Variants in NPR3 observed in about 807,000 individuals in gnomAD.
The protein encoded by NPR3 is atrial natriuretic peptide receptor 3.
A neutral mutation model predicts 54.5 loss-of-function variants in NPR3; 34 were observed. The observed-to-expected ratio is 0.62, with a 90% CI of 0.47 to 0.83. The LOEUF (loss-of-function observed/expected upper bound fraction) is 0.83. Among genes scored for constraint, NPR3 ranks in the 40% least tolerant of loss-of-function variants. NPR3 has a pLI of 0.00. For synonymous variants in NPR3, 289 were observed against 297.1 expected (o/e 0.97, Z 0.28); for missense variants, 674 against 720.8 (o/e 0.94, Z 0.74).
intron 3 of NPR3, among the ~76,000 whole-genome samples, chr5:32,758,112 C>T (rs1740947149): frequency 1.3e-5 from 2 of 152,072 alleles, no homozygotes; most frequent in African/African-American, 4.8e-5. Context: ...TGATGCTGGC[C>T]TCGTAAAATG....
At chr5:32,720,384 A>G (rs1475069300) in intron 1 of NPR3, among the ~76,000 whole-genome samples, 1 of 152,214 alleles carries the variant, frequency 6.6e-6, no homozygotes, top group Non-Finnish European at 1.5e-5. Flanking sequence ...GGAAATAAGT[A>G]TCCCCCCAAT....
intron 2 of NPR3, among the ~76,000 whole-genome samples, chr5:32,727,225 C>T (rs972693755): frequency 1.3e-5 from 2 of 152,126 alleles, no homozygotes; most frequent in Non-Finnish European, 2.9e-5. Context: ...ACCATGGGCT[C>T]AAGTGATCCT....
intron 4 of NPR3, among the ~76,000 whole-genome samples, chr5:32,780,333 A>G (rs1273882460): frequency 6.6e-6 from 1 of 152,212 alleles, no homozygotes; most frequent in Non-Finnish European, 1.5e-5. Flanking sequence ...TGTTCATCCA[A>G]TGATAACGCA....
chr5:32,765,442 G>GGAT (rs1741401283), intron 3 of NPR3, among the ~76,000 whole-genome samples: 1 of 152,164 alleles, frequency 6.6e-6, no homozygotes, highest in Non-Finnish European at 1.5e-5. Context: ...GTGAGAGAGG[G>GGAT]GATGATGGCA....
intron 2 of NPR3, among the ~76,000 whole-genome samples, chr5:32,737,286 A>G (rs560671378): frequency 4.1e-4 from 62 of 152,318 alleles, no homozygotes; most frequent in African/African-American, 1.4e-3. Flanking sequence ...TCAACTGTTT[A>G]CATGTCACAC....
intron 1 of NPR3, among the ~76,000 whole-genome samples, chr5:32,720,799 G>A (rs1330048928): frequency 6.6e-6 from 1 of 152,128 alleles, no homozygotes; most frequent in East Asian, 1.9e-4. Context: ...TCACCTGTTG[G>A]TAGGTGCTGG....
At chr5:32,734,285 T>C (rs546520052) in intron 2 of NPR3, among the ~76,000 whole-genome samples, 1 of 152,186 alleles carries the variant, frequency 6.6e-6, no homozygotes, top group African/African-American at 2.4e-5. Context: ...CCAGGCCAGG[T>C]GAATGCTTAG....
At chr5:32,725,746 T>C (rs928007746) in intron 2 of NPR3, among the ~76,000 whole-genome samples, 1 of 152,242 alleles carries the variant, frequency 6.6e-6, no homozygotes, top group African/African-American at 2.4e-5. Context: ...TATATGTGCA[T>C]GTTACACCTA....
intron 5 of NPR3, among the ~76,000 whole-genome samples, chr5:32,782,619 C>G (rs1457916396): frequency 6.6e-6 from 1 of 152,206 alleles, no homozygotes; most frequent in Non-Finnish European, 1.5e-5. Flanking sequence ...TTAATGCTCT[C>G]TTGAGAGCAC....
upstream of NPR3, among the ~76,000 whole-genome samples, chr5:32,706,279 A>G (rs973832005): frequency 1.3e-5 from 2 of 152,218 alleles, no homozygotes; most frequent in Non-Finnish European, 2.9e-5. Context: ...TACATCCTGC[A>G]GAACCATGAG....
At chr5:32,714,120 G>C (rs1738416073) in intron 1 of NPR3, among the ~76,000 whole-genome samples, 1 of 147,346 alleles carries the variant, frequency 6.8e-6, no homozygotes, top group Non-Finnish European at 1.5e-5. Context: ...TCCAGTTCTC[G>C]GCTTTCGAGG....
At chr5:32,701,015 A>T (rs1737772552) in intron 1 of NPR3, among the ~76,000 whole-genome samples, 1 of 152,212 alleles carries the variant, frequency 6.6e-6, no homozygotes, top group African/African-American at 2.4e-5. Flanking sequence ...TTCCACCAAC[A>T]GTGTAAAAAT....
At chr5:32,751,442 G>GTCC (rs1422415976) in intron 3 of NPR3, among the ~76,000 whole-genome samples, 1 of 152,164 alleles carries the variant, frequency 6.6e-6, no homozygotes, top group Non-Finnish European at 1.5e-5. Context: ...GGAAGGCAGG[G>GTCC]TCCTGACTGT....
intron 3 of NPR3, among the ~76,000 whole-genome samples, chr5:32,744,424 A>G (rs984650822): frequency 1.3e-5 from 2 of 152,162 alleles, no homozygotes; most frequent in Non-Finnish European, 1.5e-5. Context: ...TCTGAGACTT[A>G]GTTCGTTAGT....
intron 1 of NPR3, among the ~76,000 whole-genome samples, chr5:32,720,877 G>A (rs184176596): frequency 6.6e-6 from 1 of 152,092 alleles, no homozygotes; most frequent in Admixed American, 6.6e-5. Context: ...TCTAAGAGTT[G>A]TCCACAAATT....
At chr5:32,769,259 G>A (rs1473115100) in intron 3 of NPR3, among the ~76,000 whole-genome samples, 2 of 152,156 alleles carry the variant, frequency 1.3e-5, no homozygotes, top group Non-Finnish European at 2.9e-5. Flanking sequence ...TAAAGTCTAG[G>A]TACTGTATTA....
chr5:32,696,678 C>A (rs1464885020), intron 1 of NPR3, among the ~76,000 whole-genome samples: 5 of 152,066 alleles, frequency 3.3e-5, no homozygotes, highest in Non-Finnish European at 5.9e-5. Flanking sequence ...CAATTTCTTT[C>A]ATCAGCGTTT....
Position 32,702,170 on chromosome 5 carries a change from G to A in NPR3, c.100+12984G>A, listed in dbSNP as rs184257772. 3.9e-5 allele frequency among the ~76,000 whole-genome samples: 6 copies of A among 152,286 alleles called. No homozygotes were observed. In the East Asian group the frequency reaches 9.6e-4, roughly 24 times the overall value. On this transcript the variant is annotated intron_variant, in intron 1 of 5. Transcript: ENST00000509104. Reference sequence around the variant, plus strand: ...TCAGAGATGCCATCCAGGAGCCAGGGCCTAAAGTTGGAAACCTTAGGATCT... The same window carrying A: ...TCAGAGATGCCATCCAGGAGCCAGGACCTAAAGTTGGAAACCTTAGGATCT...
chr5:32,759,363 C>CT (rs935186796), intron 3 of NPR3, among the ~76,000 whole-genome samples: 6 of 151,886 alleles, frequency 4.0e-5, no homozygotes, highest in African/African-American at 1.2e-4. Flanking sequence ...ATGTAATGGC[C>CT]TTTTTTTTCT....
Sources: gnomAD v4.1 joint callset for allele counts (sites outside exome capture counted in the v4.1 genomes callset) on GRCh38, gnomAD v4.1.1 for gene constraint, MANE v1.5 for transcripts, NCBI Gene and HGNC (gene_info 2026-07-23, HGNC 2026-07-21) for gene names.